DYNC2LI1: variants seen among roughly 807,000 people sequenced by gnomAD.
DYNC2LI1 encodes the protein dynein cytoplasmic 2 light intermediate chain 1.
Under a neutral mutation model 51.9 loss-of-function variants are expected in DYNC2LI1, and 45 were observed. The observed-to-expected ratio is 0.87, with a 90% confidence interval of 0.68 to 1.11. DYNC2LI1 has a LOEUF of 1.11. Among genes scored for constraint, DYNC2LI1 ranks in the 50% most tolerant of loss-of-function variants. The pLI, the probability that DYNC2LI1 is intolerant of heterozygous loss-of-function variation, is 0.00. For missense variants in DYNC2LI1, 490 were observed against 417.4 expected (o/e 1.17, Z -1.51); for synonymous variants, 130 against 137.8 (o/e 0.94, Z 0.40).
downstream of DYNC2LI1, chr2:43,810,342 C>A (rs1572729997): frequency 4.1e-6 from 4 of 984,380 alleles, no homozygotes; most frequent in Admixed American, 1.2e-4. Context: ...TGCTGTGAGA[C>A]TGACACATTT....
chr2:43,822,628 T>C, the DYNC2LI1 span: 1 of 984,416 alleles, frequency 1.0e-6, no homozygotes, highest in Non-Finnish European at 1.2e-6. Context: ...TTGGGCTATT[T>C]ACAATAAAAT....
chr2:43,805,033 A>G, intron 11 of DYNC2LI1, 121 bp from the exon 12 acceptor site: 1 of 641,902 alleles, frequency 1.6e-6, no homozygotes, highest in South Asian at 2.3e-5. Flanking sequence ...GAGAAAAGCT[A>G]GAAAGATCAT....
chr2:43,797,484 A>G (rs1041462004), intron 8 of DYNC2LI1, among the ~76,000 whole-genome samples: 2 of 151,354 alleles, frequency 1.3e-5, no homozygotes, highest in Non-Finnish European at 2.9e-5. Flanking sequence ...AAACTTTACT[A>G]AATGTCCTTT....
At chr2:43,820,027 C>A in the DYNC2LI1 span, 1 of 1,614,112 alleles carries the variant, frequency 6.2e-7, no homozygotes, top group East Asian at 2.2e-5. Context: ...AGAAATTCAC[C>A]AATTAAGTGG....
At chr2:43,798,382 A>G (rs577228735) in intron 8 of DYNC2LI1, among the ~76,000 whole-genome samples, 18 of 152,326 alleles carry the variant, frequency 1.2e-4, no homozygotes, top group Admixed American at 2.6e-4. Context: ...TTGACACAGT[A>G]CTTTGGGAAA....
At position 43,787,128 on chromosome 2, in the gene DYNC2LI1, A is replaced by C. The variant is rs143359465; in HGVS notation, c.162-53A>C. 2,419 of 1,450,128 alleles carry C rather than the reference A, an allele frequency of 1.7e-3. 7 individuals are homozygous for C. The highest frequency in any genetic ancestry group is 6.8e-3 in the Middle Eastern group (39 of 5,732). The allele number at this position is 1,450,128 out of a possible 1,614,324, so 89.8% of individuals were successfully genotyped here. A position where few individuals can be genotyped will look rare whatever the true frequency, so the allele number is the denominator to read the frequency against. ...AAAATGAATCAGGTAAGGTGATAGC[A>C]TAAGAAACTAATACCACCTACAATG... On this transcript the variant is annotated intron_variant, in intron 3 of 12. Coordinates refer to ENST00000260605, the MANE Select transcript of DYNC2LI1 (RefSeq NM_016008.4).
chr2:43,786,326 G>C (rs1348755544), intron 3 of DYNC2LI1, among the ~76,000 whole-genome samples: 2 of 152,116 alleles, frequency 1.3e-5, no homozygotes, highest in African/African-American at 2.4e-5. Flanking sequence ...AGCCTCCTGA[G>C]TAGTTGGGAC....
intron 8 of DYNC2LI1, among the ~76,000 whole-genome samples, chr2:43,799,689 A>T (rs1666010020): frequency 6.6e-6 from 1 of 152,210 alleles, no homozygotes; most frequent in South Asian, 2.1e-4. Context: ...GATGCAGCAG[A>T]TGGAGGAGTT....
chr2:43,807,510 G>A (rs1666306603), intron 12 of DYNC2LI1, among the ~76,000 whole-genome samples: 1 of 151,808 alleles, frequency 6.6e-6, no homozygotes, highest in South Asian at 2.1e-4. Flanking sequence ...GGAGATCATG[G>A]CTCACTGCAA....
chr2:43,775,843 A>G (rs1445594379), intron 1 of DYNC2LI1: 1 of 145,860 alleles, frequency 6.9e-6, no homozygotes, highest in African/African-American at 3.6e-5. Context: ...ACCCGCCACC[A>G]CACCTGGCCA....
At chr2:43,813,968 C>T (rs994347757), downstream of DYNC2LI1, among the ~76,000 whole-genome samples, 4 of 151,928 alleles carry the variant, frequency 2.6e-5, no homozygotes, top group Admixed American at 1.3e-4. Flanking sequence ...ATCCAACCTC[C>T]GACTCCCAAA....
intron 8 of DYNC2LI1, among the ~76,000 whole-genome samples, chr2:43,799,744 A>G (rs1284491007): frequency 6.6e-6 from 1 of 152,198 alleles, no homozygotes; most frequent in South Asian, 2.1e-4. Flanking sequence ...TCTTCTATGA[A>G]ATATGTTTGT....
In DYNC2LI1 at chr2:43,801,114, TTATTAA is replaced by T. The variant is rs529179449; in HGVS notation, c.731+203_731+208del. Among the ~76,000 whole-genome samples the T allele has an allele frequency of 1.1e-4, 16 of 148,882 alleles. No homozygotes were observed. In the East Asian group the frequency reaches 3.1e-3, roughly 29 times the overall value. ...TTATTTATTTTATTATTATTTTTAA[TTATTAA>T]TATTATTATTTATTTTGTCAAGACT... On this transcript the variant is annotated intron_variant, in intron 9 of 12. Transcript: ENST00000260605.
chr2:43,787,259 C>T lies in DYNC2LI1; in HGVS notation c.231+9C>T. On this transcript the variant is annotated intron_variant, in intron 4 of 12. Coordinates refer to ENST00000260605, the MANE Select transcript of DYNC2LI1 (RefSeq NM_016008.4). ...CAAAAGGGCACAACACAGTAAGTGTCTTTTAAAGTGACATTGCTATGCCCA... is the reference window on the plus strand; with the variant it reads ...CAAAAGGGCACAACACAGTAAGTGTTTTTTAAAGTGACATTGCTATGCCCA... 3 of 1,605,238 alleles carry T rather than the reference C, an allele frequency of 1.9e-6. No individual in the cohort carries two copies. Among genetic ancestry groups the T allele is most frequent in the Non-Finnish European group, 2.6e-6 (3 of 1,173,368 alleles).
chr2:43,827,375 T>A, the DYNC2LI1 span, among the ~76,000 whole-genome samples: 1 of 151,940 alleles, frequency 6.6e-6, no homozygotes, highest in Non-Finnish European at 1.5e-5. Context: ...TCTCTCTTAT[T>A]TGCCTTCTAG....
intron 12 of DYNC2LI1, among the ~76,000 whole-genome samples, chr2:43,806,330 C>A (rs114387704): frequency 6.6e-6 from 1 of 152,184 alleles, no homozygotes; most frequent in African/African-American, 2.4e-5. Context: ...GTGGCAGTCA[C>A]GTTGTTGCGA....
chr2:43,787,403 G>A (rs888900161), intron 4 of DYNC2LI1, among the ~76,000 whole-genome samples, 153 bp downstream of exon 4: 1 of 152,198 alleles, frequency 6.6e-6, no homozygotes, highest in Admixed American at 6.5e-5. Context: ...ATGCAGTGTG[G>A]CAGATAGAAG....
chr2:43,795,784 A>T, intron 6 of DYNC2LI1, 106 bp from the exon 7 acceptor site: 2 of 798,348 alleles, frequency 2.5e-6, no homozygotes, highest in Non-Finnish European at 4.2e-6. Flanking sequence ...TTAAGTAAAC[A>T]TCTATGAAGA....
At chr2:43,816,887 T>A in the DYNC2LI1 span, among the ~76,000 whole-genome samples, 3 of 152,258 alleles carry the variant, frequency 2.0e-5, no homozygotes, top group African/African-American at 7.2e-5. Context: ...ACATTTATAT[T>A]GTGAGCACTT....
Sources: gnomAD v4.1 joint callset for allele counts (sites outside exome capture counted in the v4.1 genomes callset) on GRCh38, gnomAD v4.1.1 for gene constraint, MANE v1.5 for transcripts, NCBI Gene and HGNC (gene_info 2026-07-23, HGNC 2026-07-21) for gene names.